The following RPGRIP1 variants were observed in gnomAD, a reference collection of about 807,000 sequenced individuals.
RPGRIP1 encodes the protein X-linked retinitis pigmentosa GTPase regulator-interacting protein 1.
RPGRIP1 carries 128 observed loss-of-function variants against 157.9 expected under a neutral mutation model. That is an observed-to-expected ratio of 0.81 (90% CI 0.70 to 0.94). RPGRIP1 has a LOEUF of 0.94. Ranked by LOEUF, RPGRIP1 falls within the 40% of genes least tolerant of loss-of-function variation. The probability of loss-of-function intolerance (pLI) is 0.00; values close to 1 mark genes in which losing one functional copy is unlikely to be tolerated. For missense variants in RPGRIP1, 1,486 were observed against 1,545.8 expected (o/e 0.96, Z 0.65); for synonymous variants, 554 against 571.6 (o/e 0.97, Z 0.44).
At chr14:21,295,831 T>C (rs1880749621) in intron 3 of RPGRIP1, among the ~76,000 whole-genome samples, 1 of 152,070 alleles carries the variant, frequency 6.6e-6, no homozygotes, top group Non-Finnish European at 1.5e-5. Context: ...AGTGCAGTGG[T>C]GTGATCTCGG....
chr14:21,348,255 G>T lies in RPGRIP1; in HGVS notation c.3701G>T (p.Trp1234Leu). Residue 1234 changes from tryptophan to leucine, a missense_variant, in exon 24 of 25, where the codon TGG becomes TTG. Transcript: ENST00000400017. ...EEVGYAYLQLWQILESGRDIL... is the reference protein window; with the variant it reads ...EEVGYAYLQLLQILESGRDIL... ...GTGGGATATGCATATCTTCAACTGTGGCAGATCCTGGAGTCAGGAAGAGAT... is the reference window on the plus strand; with the variant it reads ...GTGGGATATGCATATCTTCAACTGTTGCAGATCCTGGAGTCAGGAAGAGAT... 6.3e-7 allele frequency: 1 copy of T among 1,591,190 alleles called. No individual in the cohort carries two copies. Among genetic ancestry groups the T allele is most frequent in the African/African-American group, 1.3e-5 (1 of 74,630 alleles).
At chr14:21,349,950 A>C (rs1174267293) in intron 24 of RPGRIP1, among the ~76,000 whole-genome samples, 2 of 152,202 alleles carry the variant, frequency 1.3e-5, no homozygotes, top group African/African-American at 4.8e-5. Context: ...TAGGACCTTC[A>C]GACACTTAAG....
chr14:21,316,957 TA>T (rs1395776110), intron 10 of RPGRIP1, among the ~76,000 whole-genome samples: 2 of 151,604 alleles, frequency 1.3e-5, no homozygotes, highest in Non-Finnish European at 2.9e-5. Flanking sequence ...CCGTCTCTAT[TA>T]AAAATACAAA....
chr14:21,332,920 A>G (rs1173469355), intron 20 of RPGRIP1, among the ~76,000 whole-genome samples: 4 of 152,262 alleles, frequency 2.6e-5, no homozygotes, highest in Non-Finnish European at 1.5e-5. Flanking sequence ...CCTGGCCAAC[A>G]TGGTAAAACC....
chr14:21,288,272 C>A (rs1197188791), intron 2 of RPGRIP1, among the ~76,000 whole-genome samples: 1 of 151,324 alleles, frequency 6.6e-6, no homozygotes, highest in Non-Finnish European at 1.5e-5. Flanking sequence ...CCTCCGACTC[C>A]TGGGTTCAAG....
intron 19 of RPGRIP1, among the ~76,000 whole-genome samples, chr14:21,329,809 T>A (rs980218317): frequency 6.6e-6 from 1 of 150,456 alleles, no homozygotes; most frequent in African/African-American, 2.4e-5. Flanking sequence ...GAGTACTAAC[T>A]TTTAAAAATT....
intron 21 of RPGRIP1, among the ~76,000 whole-genome samples, chr14:21,336,055 A>T (rs1175562285): frequency 6.6e-6 from 1 of 152,214 alleles, no homozygotes; most frequent in African/African-American, 2.4e-5. Context: ...CCAAGGAGGT[A>T]GATTGTGTAA....
intron 4 of RPGRIP1, among the ~76,000 whole-genome samples, chr14:21,301,763 A>G (rs1226209909): frequency 1.3e-5 from 2 of 151,158 alleles, no homozygotes; most frequent in Non-Finnish European, 2.9e-5. Flanking sequence ...CTGCAGTCCC[A>G]CCTACTTGGG....
intron 6 of RPGRIP1, among the ~76,000 whole-genome samples, chr14:21,305,176 CT>C (rs552571156): frequency 1.3e-3 from 192 of 152,294 alleles, no homozygotes; most frequent in Middle Eastern, 3.4e-3. Flanking sequence ...TACAGAATAG[CT>C]TTACTCCCCC....
chr14:21,315,973 G>GTT (rs1329495163), intron 10 of RPGRIP1, among the ~76,000 whole-genome samples: 6 of 86,690 alleles, frequency 6.9e-5, no homozygotes, highest in Non-Finnish European at 1.3e-4. Flanking sequence ...TAATTTTTGT[G>GTT]GTTTTTTTTT....
intron 17 of RPGRIP1, 149 bp downstream of exon 17, chr14:21,326,322 CAGA>C (rs769529561): frequency 5.1e-5 from 30 of 585,912 alleles, no homozygotes; most frequent in Non-Finnish European, 8.2e-5. Flanking sequence ...AGCAACAGAG[CAGA>C]AGACTTAGAG....
chr14:21,293,382 T>C (rs1880617641), intron 2 of RPGRIP1, among the ~76,000 whole-genome samples: 1 of 152,130 alleles, frequency 6.6e-6, no homozygotes, highest in African/African-American at 2.4e-5. Flanking sequence ...TTTTCCTTAC[T>C]GGGTTTTTGA....
Position 21,351,226 on chromosome 14 carries a change from T to G in RPGRIP1, c.*10T>G. The G allele has an allele frequency of 6.6e-7, 1 of 1,508,020 alleles. No individual in the cohort carries two copies. The highest frequency in any genetic ancestry group is 1.2e-5 in the South Asian group (1 of 86,824). The allele number at this position is 1,508,020 out of a possible 1,614,324, so 93.4% of individuals were successfully genotyped here. On this transcript the variant is annotated 3_prime_UTR_variant, in exon 25 of 25. Coordinates refer to ENST00000400017, the MANE Select transcript of RPGRIP1 (RefSeq NM_020366.4). ...AGATTTGTTTTCATGAAGGAACAAG[T>G]GCTATTCCAATCTAAAAGTCTCTGA...
intron 11 of RPGRIP1, among the ~76,000 whole-genome samples, chr14:21,318,821 T>C (rs1192321447): frequency 6.6e-6 from 1 of 152,114 alleles, no homozygotes; most frequent in Non-Finnish European, 1.5e-5. Context: ...TTCTCATCAT[T>C]TTAGAGGTAA....
At chr14:21,337,693 C>G (rs919679790) in intron 21 of RPGRIP1, among the ~76,000 whole-genome samples, 3 of 150,808 alleles carry the variant, frequency 2.0e-5, no homozygotes, top group Non-Finnish European at 2.9e-5. Flanking sequence ...CCACCCACCT[C>G]GGCCTCCCAA....
chr14:21,341,192 G>A (rs1310581959), intron 21 of RPGRIP1, among the ~76,000 whole-genome samples: 1 of 152,042 alleles, frequency 6.6e-6, no homozygotes, highest in Admixed American at 6.6e-5. Context: ...CACCATGCCT[G>A]GCTAATTTTT....
intron 21 of RPGRIP1, among the ~76,000 whole-genome samples, chr14:21,339,917 A>G (rs1476007072): frequency 1.3e-5 from 2 of 152,226 alleles, no homozygotes; most frequent in African/African-American, 4.8e-5. Context: ...GCAAATAAGT[A>G]AAGCAGATAG....
Position 21,324,829 on chromosome 14 carries a change from C to T in RPGRIP1, c.1974C>T (p.Phe658=), listed in dbSNP as rs773927990. Residue 658 remains phenylalanine (F), a synonymous_variant, in exon 15 of 25, where the codon TTC becomes TTT. Coordinates refer to ENST00000400017, the MANE Select transcript of RPGRIP1 (RefSeq NM_020366.4). ...CTACCACTTTCTGCACCTATTCCTT[C>T]TATGACTTTGAAACCCACTGTACCC... ...TQPTTFCTYS[F]YDFETHCTPL... is the part of the protein sequence containing the mutation. 2 of 1,613,948 alleles carry T rather than the reference C, an allele frequency of 1.2e-6. No individual in the cohort carries two copies. Among genetic ancestry groups the T allele is most frequent in the South Asian group, 2.2e-5 (2 of 91,086 alleles).
Position 21,302,544 on chromosome 14 carries a change from A to G in RPGRIP1, c.547A>G (p.Asn183Asp), listed in dbSNP as rs1438783509. ...TCCATCGTTTAAGGAGCATGCGACA[A>G]ATGAAAACAGAGGTGAAGTAGCCAG... The part of the protein sequence containing the change: ...APPSFKEHAT[N>D]ENRGEVASKP... Residue 183 changes from asparagine (N) to aspartate (D), a missense_variant, in exon 5 of 25, where the codon AAT (asparagine) becomes GAT (aspartate). Coordinates refer to ENST00000400017, the MANE Select transcript of RPGRIP1 (RefSeq NM_020366.4). The G allele has an allele frequency of 1.9e-6, 3 of 1,588,530 alleles. No individual in the cohort carries two copies. Among genetic ancestry groups the G allele is most frequent in the Non-Finnish European group, 2.6e-6 (3 of 1,166,096 alleles).
Sources: gnomAD v4.1 joint callset for allele counts (sites outside exome capture counted in the v4.1 genomes callset) on GRCh38, gnomAD v4.1.1 for gene constraint, MANE v1.5 for transcripts, NCBI Gene and HGNC (gene_info 2026-07-23, HGNC 2026-07-21) for gene names.